Variants in NUP62CL observed in about 807,000 individuals in gnomAD.
NUP62CL encodes nucleoporin 62 C-terminal like.
NUP62CL carries 13 observed loss-of-function variants against 15.3 expected under a neutral mutation model. That is an observed-to-expected ratio of 0.85 (90% CI 0.55 to 1.35). NUP62CL has a LOEUF of 1.35. NUP62CL is among the 40% of genes most tolerant of loss of function. NUP62CL has a pLI of 0.00. For synonymous variants in NUP62CL, 54 were observed against 49.2 expected (o/e 1.10, Z -0.41); for missense variants, 123 against 130.6 (o/e 0.94, Z 0.28).
At chrX:107,188,455 A>C (rs1927126877) in intron 2 of NUP62CL, among the ~76,000 whole-genome samples, 1 of 109,478 alleles carries the variant, frequency 9.1e-6, no homozygotes, top group Admixed American at 9.8e-5. Context: ...CCGCCAAAAA[A>C]AATTGGAATA....
chrX:107,155,350 G>A (rs1439154084), intron 4 of NUP62CL, among the ~76,000 whole-genome samples: 1 of 112,417 alleles, frequency 8.9e-6, no homozygotes, highest in Non-Finnish European at 1.9e-5. Flanking sequence ...GGGGCCAACA[G>A]GAAGCTGAAA....
At chrX:107,136,727 A>T (rs186562250) in intron 8 of NUP62CL, among the ~76,000 whole-genome samples, 1 of 112,613 alleles carries the variant, frequency 8.9e-6, no homozygotes, top group East Asian at 2.8e-4. Flanking sequence ...AACCCTGACC[A>T]AGTAGAATTT....
chrX:107,162,616 G>C (rs761531523), intron 4 of NUP62CL, among the ~76,000 whole-genome samples: 14 of 112,166 alleles, frequency 1.2e-4, no homozygotes, highest in Non-Finnish European at 2.6e-4. Flanking sequence ...TGGTGAAAAT[G>C]TCCTTCAGAA....
In NUP62CL at chrX:107,160,582, A is replaced by C. The variant is rs781665993; in HGVS notation, c.195-6336T>G. On this transcript the variant is annotated intron_variant, in intron 4 of 8. Transcript: ENST00000372466. ...CTGGGAAAACTGGCTAGCCATATGT[A>C]GAAAGCTGAAACCGGATCCCTTCCT... 2.8e-3 allele frequency among the ~76,000 whole-genome samples: 318 copies of C among 111,702 alleles called. 2 individuals carry two copies. The highest frequency in any genetic ancestry group is 9.9e-3 in the African/African-American group (302 of 30,628).
At chrX:107,190,803 C>T (rs1010500989) in intron 2 of NUP62CL, among the ~76,000 whole-genome samples, 1 of 110,061 alleles carries the variant, frequency 9.1e-6, no homozygotes, top group Non-Finnish European at 1.9e-5. Context: ...GTTGGCTGAG[C>T]GGCATGCCTC....
intron 3 of NUP62CL, among the ~76,000 whole-genome samples, chrX:107,170,242 T>A (rs1926616576): frequency 9.0e-6 from 1 of 111,124 alleles, no homozygotes; most frequent in African/African-American, 3.3e-5. Flanking sequence ...TGGTACCATT[T>A]TTATAAAACA....
At chrX:107,139,676 C>A (rs2147794065) in intron 8 of NUP62CL, among the ~76,000 whole-genome samples, 1 of 112,080 alleles carries the variant, frequency 8.9e-6, no homozygotes, top group South Asian at 3.7e-4. Context: ...TTGTTGCCTG[C>A]CTGCTAAGCC....
intron 2 of NUP62CL, among the ~76,000 whole-genome samples, chrX:107,192,563 T>G (rs1005085462): frequency 2.8e-4 from 31 of 111,159 alleles, no homozygotes; most frequent in Middle Eastern, 4.6e-3. Context: ...GTATTTTTTG[T>G]AGAGACGGAG....
At chrX:107,189,946 A>AAAGAAAGAAAGG (rs67249953) in intron 2 of NUP62CL, among the ~76,000 whole-genome samples, 3 of 80,184 alleles carry the variant, frequency 3.7e-5, no homozygotes, top group Non-Finnish European at 6.7e-5. Context: ...AGAAAGAAAG[A>AAAGAAAGAAAGG]GAATCGATAC....
chrX:107,153,487 C>A lies in NUP62CL; in HGVS notation c.362G>T (p.Gly121Val). ...ENGEMIRILH[G>V]EVNKVKLDQK... ...ATCCAGTTTCACTTTGTTCACTTCTCCATGTAAAATACGAATCTATAAAGA... is the reference window on the plus strand; with the variant it reads ...ATCCAGTTTCACTTTGTTCACTTCTACATGTAAAATACGAATCTATAAAGA... The change falls in exon 6 of 9, where the codon GGA becomes GTA. Residue 121 changes from glycine (G) to valine (V), a missense_variant. Physicochemically the swap from Gly to Val is moderately radical, Grantham distance 109. Coordinates refer to ENST00000372466, the MANE Select transcript of NUP62CL (RefSeq NM_017681.3). 1 of 1,138,026 alleles carries A rather than the reference C, an allele frequency of 8.8e-7. No individual in the cohort carries two copies. The highest frequency in any genetic ancestry group is 1.2e-6 in the Non-Finnish European group (1 of 851,173). The allele number at this position is 1,138,026 out of a possible 1,213,427, so 93.8% of individuals were successfully genotyped here. A position where few individuals can be genotyped will look rare whatever the true frequency, so the allele number is the denominator to read the frequency against.
chrX:107,197,930 A>G (rs752897715), intron 1 of NUP62CL, among the ~76,000 whole-genome samples: 7 of 112,432 alleles, frequency 6.2e-5, no homozygotes, highest in Non-Finnish European at 1.1e-4. Flanking sequence ...CTCTTCACAT[A>G]TATTACCTTG....
chrX:107,202,605 A>G (rs1406424999), intron 1 of NUP62CL: 1 of 107,938 alleles, frequency 9.3e-6, no homozygotes, highest in Non-Finnish European at 1.9e-5. Flanking sequence ...GGTATTTATT[A>G]ATACAACTAA....
intron 1 of NUP62CL, among the ~76,000 whole-genome samples, chrX:107,200,575 C>T (rs1399869842): frequency 1.3e-4 from 14 of 106,091 alleles, no homozygotes; most frequent in African/African-American, 3.8e-4. Flanking sequence ...GCCGAGATCG[C>T]GCCACTGCAC....
At chrX:107,198,401 C>T (rs1266656250) in intron 1 of NUP62CL, among the ~76,000 whole-genome samples, 2 of 111,626 alleles carry the variant, frequency 1.8e-5, no homozygotes, top group Non-Finnish European at 3.8e-5. Flanking sequence ...GAGCAGCAAC[C>T]CACTCGAGTC....
intron 8 of NUP62CL, among the ~76,000 whole-genome samples, chrX:107,140,667 T>C (rs1476635766): frequency 8.9e-6 from 1 of 112,454 alleles, no homozygotes; most frequent in Non-Finnish European, 1.9e-5. Context: ...GCTTTTTCTG[T>C]TACAGTACAC....
chrX:107,129,108 A>G, intron 8 of NUP62CL, among the ~76,000 whole-genome samples: 1 of 112,066 alleles, frequency 8.9e-6, no homozygotes, highest in East Asian at 2.8e-4. Context: ...TTAACAGAAG[A>G]AGAAAAAGAC....
intron 2 of NUP62CL, among the ~76,000 whole-genome samples, chrX:107,185,975 G>A (rs1307427893): frequency 1.8e-5 from 2 of 111,540 alleles, no homozygotes; most frequent in Non-Finnish European, 3.8e-5. Context: ...AATTACCATA[G>A]ACAGAGGAGG....
intron 1 of NUP62CL, among the ~76,000 whole-genome samples, chrX:107,193,426 G>C: frequency 8.9e-6 from 1 of 111,858 alleles, no homozygotes; most frequent in Admixed American, 9.5e-5. Context: ...ACAGGCTCCT[G>C]AATCAGCAGA....
At chrX:107,164,489 AG>A (rs1271340529) in intron 4 of NUP62CL, among the ~76,000 whole-genome samples, 1 of 110,831 alleles carries the variant, frequency 9.0e-6, no homozygotes, top group Non-Finnish European at 1.9e-5. Context: ...AGGAAATAAT[AG>A]AGTAGATATC....
Sources: allele counts gnomAD v4.1 joint callset (sites outside exome capture counted in the v4.1 genomes callset), GRCh38; gene constraint gnomAD v4.1.1; transcripts MANE v1.5; gene names NCBI Gene and HGNC (gene_info 2026-07-23, HGNC 2026-07-21).